Variants in SLC43A2 observed in about 807,000 individuals in gnomAD.
SLC43A2 encodes the protein large neutral amino acids transporter small subunit 4.
A neutral mutation model predicts 63.2 loss-of-function variants in SLC43A2; 38 were observed. That is an observed-to-expected ratio of 0.60 (90% CI 0.46 to 0.79). The LOEUF (loss-of-function observed/expected upper bound fraction) is 0.79, where lower values mean the gene tolerates loss of function less well. Ranked by LOEUF, SLC43A2 falls within the 30% of genes least tolerant of loss-of-function variation. The pLI is 0.00. For missense variants in SLC43A2, 644 were observed against 756.2 expected, an observed-to-expected ratio of 0.85 and a Z score of 1.74; for synonymous variants, 322 against 331.0, an observed-to-expected ratio of 0.97 and a Z score of 0.30.
chr17:1,578,176 G>A lies in SLC43A2; in HGVS notation c.1424+74C>T, dbSNP rs1198125429. The A allele has an allele frequency of 6.8e-7, 1 of 1,464,998 alleles. No individual in the cohort carries two copies. Among genetic ancestry groups the A allele is most frequent in the African/African-American group, 1.4e-5 (1 of 71,952 alleles). The allele number at this position is 1,464,998 out of a possible 1,614,324, so 90.7% of individuals were successfully genotyped here. On this transcript the variant is annotated intron_variant, in intron 12 of 13. Coordinates refer to ENST00000301335, the MANE Select transcript of SLC43A2 (RefSeq NM_152346.3). The surrounding 1 kb of genome is among the most constrained non-coding windows in gnomAD (Gnocchi z 6.5). ...AGGCTGACCCTGCCTCAGAGTCTCA[G>A]TCCCACCAGCAACCTCCCCCCGGCC...
intron 11 of SLC43A2, among the ~76,000 whole-genome samples, chr17:1,582,346 T>C (rs1248172276): frequency 6.6e-6 from 1 of 152,136 alleles, no homozygotes; most frequent in Non-Finnish European, 1.5e-5. Context: ...TACCAAAGTG[T>C]TGAGATTACA....
At chr17:1,621,285 T>A (rs1013601311) in intron 2 of SLC43A2, among the ~76,000 whole-genome samples, 1 of 152,062 alleles carries the variant, frequency 6.6e-6, no homozygotes, top group Non-Finnish European at 1.5e-5. Context: ...TCCAAGATGA[T>A]GCTTGAGGGG....
chr17:1,623,315 C>A (rs1567650832), intron 2 of SLC43A2, among the ~76,000 whole-genome samples: 1 of 152,192 alleles, frequency 6.6e-6, no homozygotes, highest in Non-Finnish European at 1.5e-5. Flanking sequence ...CCCACCACCA[C>A]AGGTGGAGAA....
At chr17:1,596,016 T>C (rs1360681462) in intron 5 of SLC43A2, among the ~76,000 whole-genome samples, 3 of 152,132 alleles carry the variant, frequency 2.0e-5, no homozygotes, top group Non-Finnish European at 2.9e-5. Flanking sequence ...CTTCAAAGGA[T>C]GGCATCAAGA....
intron 5 of SLC43A2, among the ~76,000 whole-genome samples, chr17:1,603,846 C>A (rs1906318142): frequency 6.6e-6 from 1 of 152,098 alleles, no homozygotes; most frequent in South Asian, 2.1e-4. Flanking sequence ...CAAGGGACTC[C>A]CCCAAGCTAG....
At chr17:1,576,854 G>T in intron 12 of SLC43A2, 134 bp from the exon 13 acceptor site, 1 of 1,061,620 alleles carries the variant, frequency 9.4e-7, no homozygotes, top group Non-Finnish European at 1.3e-6. Context: ...CTTCCTGCTG[G>T]GCAGTTCTGT....
rs375875239 is a variant in SLC43A2 at position 1,578,283 on chromosome 17, A to G, written c.1391T>C (p.Ile464Thr). ...FILHTIVRGF[I>T]HSAVGGLYAA... is the part of the protein sequence containing the mutation. ...GTACAGGCCCCCGACAGCGGAGTGG[A>G]TGAATCCTCGCACGATTGTGTGCAG... The change falls in exon 12 of 14, where the codon ATC (isoleucine) becomes ACC (threonine). Residue 464 changes from isoleucine (I) to threonine (T), a missense_variant. Physicochemically the swap from Ile to Thr is moderately conservative, Grantham distance 89 (BLOSUM62 -1). Around this residue, in one of 3 missense-constraint regions of SLC43A2, gnomAD observed 528 missense variants for 623.6 expected, o/e 0.85. Transcript: ENST00000301335. This position sits in a 1 kb window ranked among gnomAD's most constrained non-coding sequence, Gnocchi z 6.5. 1.7e-4 allele frequency: 272 copies of G among 1,613,910 alleles called. 1 individual carries two copies. The highest frequency in any genetic ancestry group is 2.9e-4 in the South Asian group (26 of 91,092).
intron 11 of SLC43A2, among the ~76,000 whole-genome samples, chr17:1,581,059 G>GA (rs2076004589): frequency 6.6e-6 from 1 of 152,096 alleles, no homozygotes; most frequent in Admixed American, 6.5e-5. Context: ...CATCCTCTTG[G>GA]CCACCAGGTC....
In SLC43A2 at chr17:1,627,845, C is replaced by G; in HGVS notation, c.30G>C (p.Arg10=). ...CCGTGCAGGCCATCCACCAGCGGCG[C>G]CGATGGGCAGTGGCCAGGGTGGGCG... MAPTLATAH[R]RRWWMACTAV... The change falls in exon 2 of 14, where the codon CGG becomes CGC. Residue 10 remains arginine, a synonymous_variant. Transcript: ENST00000301335. 1 of 1,585,680 alleles carries G rather than the reference C, an allele frequency of 6.3e-7. No homozygotes were observed. Among genetic ancestry groups the G allele is most frequent in the Non-Finnish European group, 8.6e-7 (1 of 1,166,268 alleles).
chr17:1,623,890 T>C (rs1411536283), intron 2 of SLC43A2, among the ~76,000 whole-genome samples: 1 of 151,572 alleles, frequency 6.6e-6, no homozygotes, highest in Non-Finnish European at 1.5e-5. Flanking sequence ...GGGTGTACCC[T>C]CCTCTCCTGA....
intron 5 of SLC43A2, among the ~76,000 whole-genome samples, chr17:1,609,956 C>A (rs1906949933): frequency 6.6e-6 from 1 of 151,864 alleles, no homozygotes; most frequent in South Asian, 2.1e-4. Context: ...GTTGCCCAGG[C>A]TGGAATGCAA....
At chr17:1,579,752 A>G (rs969538994) in intron 11 of SLC43A2, among the ~76,000 whole-genome samples, 5 of 151,662 alleles carry the variant, frequency 3.3e-5, no homozygotes, top group Non-Finnish European at 7.4e-5. Context: ...TGGGAGGATC[A>G]CCTGAGCTCG....
At chr17:1,598,364 T>A (rs771766252) in intron 5 of SLC43A2, among the ~76,000 whole-genome samples, 2 of 150,030 alleles carry the variant, frequency 1.3e-5, no homozygotes, top group Non-Finnish European at 3.0e-5. Context: ...GAGGTTGCAG[T>A]GAGCCGAGAT....
intron 4 of SLC43A2, 90 bp downstream of exon 4, chr17:1,614,889 G>A: frequency 7.5e-7 from 1 of 1,334,848 alleles, no homozygotes; most frequent in South Asian, 1.2e-5. Context: ...AGCAGGCCCA[G>A]GACAGTGTCC....
At chr17:1,619,186 C>T (rs1567647639) in intron 2 of SLC43A2, among the ~76,000 whole-genome samples, 1 of 151,728 alleles carries the variant, frequency 6.6e-6, no homozygotes, top group African/African-American at 2.4e-5. Context: ...TCTATAATCA[C>T]AGCTACTCGG....
chr17:1,578,656 TAGC>T lies in SLC43A2; in HGVS notation c.1351-336_1351-334del. On this transcript the variant is annotated intron_variant, in intron 11 of 13. Transcript: ENST00000301335. The surrounding 1 kb of genome is among the most constrained non-coding windows in gnomAD (Gnocchi z 6.5). ...AATTCTCCTGCCTCAGCCTTCGGAGTAGCTAGGATTACAGGCCCACGCCACCAT... is the reference window on the plus strand; with the variant it reads ...AATTCTCCTGCCTCAGCCTTCGGAGTTAGGATTACAGGCCCACGCCACCAT... 2 of 260,570 alleles carry T rather than the reference TAGC, an allele frequency of 7.7e-6. No homozygotes were observed. Among genetic ancestry groups the T allele is most frequent in the East Asian group, 7.8e-5 (1 of 12,808 alleles). 16.1% of individuals were successfully genotyped at this position (260,570 alleles called of 1,614,324 possible).
chr17:1,580,981 G>A (rs1353596744), intron 11 of SLC43A2, among the ~76,000 whole-genome samples: 1 of 152,198 alleles, frequency 6.6e-6, no homozygotes, highest in Non-Finnish European at 1.5e-5. Context: ...CTGTCTGTGG[G>A]AGGCCCCCTG....
chr17:1,599,680 A>G (rs1189521729), intron 5 of SLC43A2, among the ~76,000 whole-genome samples: 3 of 147,032 alleles, frequency 2.0e-5, no homozygotes, highest in East Asian at 2.1e-4. Flanking sequence ...CAGCCTGGGC[A>G]ACACAGTTAG....
Position 1,619,596 on chromosome 17 carries a change from G to A in SLC43A2, c.161-2827C>T, listed in dbSNP as rs532051446. Among the ~76,000 whole-genome samples the A allele has an allele frequency of 4.6e-5, 7 of 152,338 alleles. No individual in the cohort carries two copies. In the East Asian group the frequency reaches 9.6e-4, roughly 21 times the overall value. ...GGAGCTCAGAGCGGTCATGTACACC[G>A]CCACAGCCGACAGGCCTGGGCCACT... On this transcript the variant is annotated intron_variant, in intron 2 of 13. Coordinates refer to ENST00000301335, the MANE Select transcript of SLC43A2 (RefSeq NM_152346.3).
Sources: gnomAD v4.1 joint callset for allele counts (sites outside exome capture counted in the v4.1 genomes callset) on GRCh38, gnomAD v4.1.1 for gene constraint, gnomAD v4.1.1 regional missense constraint, Gnocchi (gnomAD v3.1) non-coding constraint, MANE v1.5 for transcripts, NCBI Gene and HGNC (gene_info 2026-07-23, HGNC 2026-07-21) for gene names.